The following TNFRSF21 variants were observed in gnomAD, a reference collection of about 807,000 sequenced individuals.
TNFRSF21 encodes the protein tumor necrosis factor receptor superfamily member 21.
In TNFRSF21, 19 loss-of-function variants were observed where a neutral mutation model predicts 45.6. That is an observed-to-expected ratio of 0.42 (90% CI 0.29 to 0.61). The LOEUF is 0.61. Among genes scored for constraint, TNFRSF21 ranks in the 20% least tolerant of loss-of-function variants. The pLI, the probability that TNFRSF21 is intolerant of heterozygous loss-of-function variation, is 0.23. For missense variants in TNFRSF21, 737 were observed against 851.5 expected, an observed-to-expected ratio of 0.87 and a Z score of 1.67; for synonymous variants, 314 against 335.5, an observed-to-expected ratio of 0.94 and a Z score of 0.70.
intron 1 of TNFRSF21, among the ~76,000 whole-genome samples, chr6:47,293,485 G>A (rs912254498): frequency 6.6e-6 from 1 of 152,132 alleles, no homozygotes; most frequent in Non-Finnish European, 1.5e-5. Flanking sequence ...ATATTATCCA[G>A]CCCTTTATAG....
chr6:47,286,437 C>T lies in TNFRSF21; in HGVS notation c.255G>A (p.Leu85=), dbSNP rs371420584. The change falls in exon 2 of 6, where the codon CTG becomes CTA. Residue 85 remains leucine, a synonymous_variant. Transcript: ENST00000296861. ...CCACAGGGCAACTGCTGCAGACGCG[C>T]AGGCTTGTGTTGGTACAATGCTCAG... The part of the protein sequence containing the change: ...YVSEHCTNTS[L]RVCSSCPVGT... 9.6e-5 allele frequency: 155 copies of T among 1,614,106 alleles called. No individual in the cohort carries two copies. The Middle Eastern group carries it at 9.9e-4, about 10-fold the overall frequency.
At chr6:47,304,189 C>T (rs184396404) in intron 1 of TNFRSF21, among the ~76,000 whole-genome samples, 25 of 151,752 alleles carry the variant, frequency 1.6e-4, no homozygotes, top group African/African-American at 5.6e-4. Context: ...AATATTAGTG[C>T]TTTCTGGAAA....
chr6:47,278,331 T>C (rs1411639360), intron 3 of TNFRSF21, among the ~76,000 whole-genome samples: 2 of 152,232 alleles, frequency 1.3e-5, no homozygotes, highest in East Asian at 3.8e-4. Flanking sequence ...TGTAGATTAC[T>C]TAGTTTATGG....
chr6:47,284,523 C>A, intron 2 of TNFRSF21, 91 bp from the exon 3 acceptor site: 1 of 1,369,030 alleles, frequency 7.3e-7, no homozygotes, highest in Non-Finnish European at 9.6e-7. Flanking sequence ...CAAGCTAGGC[C>A]AGATAATCAA....
At chr6:47,255,468 T>G (rs1021095356) in intron 3 of TNFRSF21, among the ~76,000 whole-genome samples, 2 of 151,976 alleles carry the variant, frequency 1.3e-5, no homozygotes, top group Non-Finnish European at 1.5e-5. Flanking sequence ...GGTTTTTTTT[T>G]TTGTTTTTTT....
At chr6:47,272,700 C>T (rs1231942930) in intron 3 of TNFRSF21, among the ~76,000 whole-genome samples, 1 of 152,052 alleles carries the variant, frequency 6.6e-6, no homozygotes, top group African/African-American at 2.4e-5. Context: ...ACACAAAGAA[C>T]CCTTCAAAAA....
intron 3 of TNFRSF21, among the ~76,000 whole-genome samples, chr6:47,269,784 T>G (rs1291802808): frequency 6.6e-6 from 1 of 152,072 alleles, no homozygotes. Context: ...AAGGAAGAAA[T>G]TTGTGGTTGT....
chr6:47,305,086 A>AT (rs1343185613), intron 1 of TNFRSF21, among the ~76,000 whole-genome samples: 1 of 152,132 alleles, frequency 6.6e-6, no homozygotes, highest in African/African-American at 2.4e-5. Flanking sequence ...TATTTTAAAG[A>AT]TTTTAACATC....
Position 47,232,624 on chromosome 6 carries a change from A to AAC in TNFRSF21, c.*139_*140dup, listed in dbSNP as rs34093099. On this transcript the variant is annotated 3_prime_UTR_variant, in exon 6 of 6. Transcript: ENST00000296861. ...CAAGCACTGGCCATATTCTCTGTTA[A>AAC]ACACACACACACACACACACACACA... 10,218 of 562,734 alleles carry AAC rather than the reference A, an allele frequency of 0.018. 40 individuals carry two copies. Among genetic ancestry groups the AAC allele is most frequent in the South Asian group, 0.036 (1,552 of 43,150 alleles). The allele number at this position is 562,734 out of a possible 1,614,324, so 34.9% of individuals were successfully genotyped here.
rs2113872596 is a variant in TNFRSF21, at chr6:47,306,576, G to A, written c.96+2840C>T. ...GAATAAATGAGATACTGTATACAAAGCACCTGGCATGTAGCAATTGCTCTC... is the reference window on the plus strand; with the variant it reads ...GAATAAATGAGATACTGTATACAAAACACCTGGCATGTAGCAATTGCTCTC... On this transcript the variant is annotated intron_variant, in intron 1 of 5. Coordinates refer to ENST00000296861, the MANE Select transcript of TNFRSF21 (RefSeq NM_014452.5). 2.0e-5 allele frequency among the ~76,000 whole-genome samples: 3 copies of A among 152,240 alleles called. No individual in the cohort carries two copies. The Middle Eastern group carries it at 0.01, about 518-fold the overall frequency.
At chr6:47,248,302 G>A (rs903519845) in intron 4 of TNFRSF21, among the ~76,000 whole-genome samples, 4 of 152,118 alleles carry the variant, frequency 2.6e-5, no homozygotes, top group South Asian at 4.1e-4. Flanking sequence ...CACTCAGAGT[G>A]TGAAGGGCAG....
intron 1 of TNFRSF21, among the ~76,000 whole-genome samples, chr6:47,303,358 T>A (rs895434112): frequency 6.6e-6 from 1 of 152,186 alleles, no homozygotes; most frequent in Non-Finnish European, 1.5e-5. Flanking sequence ...GTCTTAGGCA[T>A]AATTTTTAAA....
intron 1 of TNFRSF21, among the ~76,000 whole-genome samples, chr6:47,290,490 G>A (rs1246515054): frequency 6.6e-6 from 1 of 152,094 alleles, no homozygotes; most frequent in South Asian, 2.1e-4. Context: ...ACCAAAAAAG[G>A]TTTTCCTAGC....
At chr6:47,263,447 A>G (rs928241238) in intron 3 of TNFRSF21, among the ~76,000 whole-genome samples, 2 of 152,162 alleles carry the variant, frequency 1.3e-5, no homozygotes, top group African/African-American at 4.8e-5. Flanking sequence ...GAGTGTGTAC[A>G]TTGAAAAGAG....
Position 47,309,441 on chromosome 6 carries a change from G to C in TNFRSF21, c.71C>G (p.Thr24Arg). ...CSRIARRATA[T>R]MIAGSLLLLG... is the part of the protein sequence containing the mutation. ...CAGGAGAAGGGAGCCCGCGATCATC[G>C]TGGCTGTGGCTCGGCGGGCGATGCG... The change falls in exon 1 of 6, where the codon ACG becomes AGG. Residue 24 changes from threonine to arginine, a missense_variant. By Grantham distance (71) the Thr-to-Arg change is moderately conservative (BLOSUM62 -1). Coordinates refer to ENST00000296861, the MANE Select transcript of TNFRSF21 (RefSeq NM_014452.5). 1.3e-6 allele frequency: 2 copies of C among 1,552,486 alleles called. No homozygotes were observed. Among genetic ancestry groups the C allele is most frequent in the Non-Finnish European group, 1.7e-6 (2 of 1,156,330 alleles).
chr6:47,260,093 T>C (rs2281450), intron 3 of TNFRSF21, among the ~76,000 whole-genome samples: 65,586 of 151,962 alleles, frequency 0.43, 16,289 homozygotes, highest in African/African-American at 0.67. Flanking sequence ...CCATTTCTGC[T>C]TGGACAAGTG....
intron 4 of TNFRSF21, among the ~76,000 whole-genome samples, chr6:47,236,047 G>A (rs774654655): frequency 4.6e-5 from 7 of 152,176 alleles, no homozygotes; most frequent in Non-Finnish European, 7.3e-5. Flanking sequence ...GTGTGCAGTG[G>A]AGAGAAGGGG....
chr6:47,296,913 A>C (rs868181057), intron 1 of TNFRSF21, among the ~76,000 whole-genome samples: 5 of 152,132 alleles, frequency 3.3e-5, no homozygotes, highest in Admixed American at 2.0e-4. Context: ...TGTTTCCCTG[A>C]GTTCTGTGAG....
intron 3 of TNFRSF21, among the ~76,000 whole-genome samples, chr6:47,280,645 T>G (rs1003915912): frequency 6.6e-6 from 1 of 152,222 alleles, no homozygotes; most frequent in African/African-American, 2.4e-5. Context: ...TTTGTTTGAT[T>G]TGGCACTTCC....
Sources: gnomAD v4.1 joint callset for allele counts (sites outside exome capture counted in the v4.1 genomes callset) on GRCh38, gnomAD v4.1.1 for gene constraint, MANE v1.5 for transcripts, NCBI Gene and HGNC (gene_info 2026-07-23, HGNC 2026-07-21) for gene names.